The following ASIC2 variants were observed in gnomAD, a reference collection of about 807,000 sequenced individuals.
ASIC2 encodes acid sensing ion channel subunit 2.
In ASIC2, 25 loss-of-function variants were observed where a neutral mutation model predicts 57.3. The observed-to-expected ratio is 0.44, with a 90% CI of 0.32 to 0.61. The LOEUF (loss-of-function observed/expected upper bound fraction) is 0.61, where lower values mean the gene tolerates loss of function less well. Among genes scored for constraint, ASIC2 ranks in the 20% least tolerant of loss-of-function variants. ASIC2 has a pLI of 0.06. For missense variants in ASIC2, 641 were observed against 738.1 expected, an observed-to-expected ratio of 0.87 and a Z score of 1.52; for synonymous variants, 319 against 307.5, an observed-to-expected ratio of 1.04 and a Z score of -0.39.
At chr17:33,935,784 T>G (rs1268163343) in intron 1 of ASIC2, 1 of 152,268 alleles carries the variant, frequency 6.6e-6, no homozygotes, top group Admixed American at 6.5e-5. Flanking sequence ...TTAGCCACTG[T>G]GCTTCTCTGG....
intron 1 of ASIC2, among the ~76,000 whole-genome samples, chr17:33,418,058 G>C (rs181125211): frequency 1.5e-5 from 1 of 67,842 alleles, no homozygotes; most frequent in African/African-American, 4.6e-5. Context: ...GTGTGTGTGT[G>C]TGTGTGTGTG....
intron 1 of ASIC2, among the ~76,000 whole-genome samples, chr17:33,848,891 C>T (rs1191571280): frequency 6.6e-6 from 1 of 152,126 alleles, no homozygotes; most frequent in Non-Finnish European, 1.5e-5. Context: ...CTATTTTATC[C>T]TTACAACAGA....
intron 1 of ASIC2, among the ~76,000 whole-genome samples, chr17:33,373,230 A>G (rs938995216): frequency 2.0e-5 from 3 of 152,174 alleles, no homozygotes; most frequent in Non-Finnish European, 4.4e-5. Flanking sequence ...GAGGAATAAT[A>G]TTTCAGATGC....
intron 1 of ASIC2, chr17:34,002,085 C>A (rs1225022213): frequency 6.6e-6 from 1 of 152,268 alleles, no homozygotes; most frequent in African/African-American, 2.4e-5. Context: ...TTCCAGGCAG[C>A]CTTCTCTAAC....
intron 1 of ASIC2, among the ~76,000 whole-genome samples, chr17:33,589,453 C>T (rs780062797): frequency 3.3e-5 from 5 of 152,176 alleles, no homozygotes; most frequent in Non-Finnish European, 7.3e-5. Flanking sequence ...ACCATCACCA[C>T]CATCCATCCC....
chr17:33,473,992 A>C (rs1913136771), intron 1 of ASIC2, among the ~76,000 whole-genome samples: 1 of 152,234 alleles, frequency 6.6e-6, no homozygotes, highest in South Asian at 2.1e-4. Flanking sequence ...ATACAAAGAT[A>C]AATCAGACCT....
chr17:33,323,138 G>T (rs1010716405), intron 1 of ASIC2, among the ~76,000 whole-genome samples: 6 of 152,174 alleles, frequency 3.9e-5, no homozygotes, highest in African/African-American at 1.4e-4. Context: ...TTGCTAAAGT[G>T]AAACATATGG....
chr17:33,788,648 A>T (rs1389292271), intron 1 of ASIC2, among the ~76,000 whole-genome samples: 1 of 152,178 alleles, frequency 6.6e-6, no homozygotes, highest in African/African-American at 2.4e-5. Context: ...CTTGGAACCA[A>T]CCCAAATACC....
chr17:33,070,895 C>CT (rs955627406), intron 3 of ASIC2, among the ~76,000 whole-genome samples: 47 of 148,914 alleles, frequency 3.2e-4, no homozygotes, highest in African/African-American at 4.2e-4. Flanking sequence ...AGATTGACAG[C>CT]TTTTTTTTTT....
intron 1 of ASIC2, among the ~76,000 whole-genome samples, chr17:33,253,201 C>G (rs777227700): frequency 2.0e-5 from 3 of 152,184 alleles, no homozygotes; most frequent in Non-Finnish European, 2.9e-5. Context: ...GGAGACAGAG[C>G]TGGAGTTCAA....
chr17:34,156,708 T>C lies in ASIC2; in HGVS notation c.-176A>G, dbSNP rs1360015038. 5 of 651,312 alleles carry C rather than the reference T, an allele frequency of 7.7e-6. No individual in the cohort carries two copies. Among genetic ancestry groups the C allele is most frequent in the South Asian group, 4.2e-5 (2 of 47,970 alleles). The allele number at this position is 651,312 out of a possible 1,614,324, so 40.3% of individuals were successfully genotyped here. A position where few individuals can be genotyped will look rare whatever the true frequency, so the allele number is the denominator to read the frequency against. ...CCAGCCGCACGCTGACAGGGGTGAG[T>C]GTTTATATAAAACCCATTCAAACTC... On this transcript the variant is annotated 5_prime_UTR_variant, in exon 1 of 10. Coordinates refer to the ASIC2 transcript ENST00000359872. The surrounding 1 kb of genome is among the most constrained non-coding windows in gnomAD (Gnocchi z 4.4).
At chr17:33,923,066 A>G (rs911040171) in intron 1 of ASIC2, among the ~76,000 whole-genome samples, 2 of 152,218 alleles carry the variant, frequency 1.3e-5, no homozygotes, top group African/African-American at 4.8e-5. Flanking sequence ...CAGCTTACCC[A>G]GCAAACAGGA....
intron 1 of ASIC2, among the ~76,000 whole-genome samples, chr17:34,044,228 G>A (rs565488160): frequency 2.6e-5 from 4 of 152,102 alleles, no homozygotes; most frequent in Admixed American, 6.5e-5. Flanking sequence ...TGCCCAGGTA[G>A]AAGCTAAGTC....
intron 1 of ASIC2, among the ~76,000 whole-genome samples, chr17:33,994,120 C>T (rs1906082510): frequency 6.6e-6 from 1 of 152,160 alleles, no homozygotes; most frequent in African/African-American, 2.4e-5. Flanking sequence ...AATGAAGGGG[C>T]CAGCTCAAGC....
At chr17:33,347,786 T>A (rs1199347689) in intron 1 of ASIC2, among the ~76,000 whole-genome samples, 5 of 152,154 alleles carry the variant, frequency 3.3e-5, no homozygotes, top group Admixed American at 1.3e-4. Flanking sequence ...TGACCATGGG[T>A]AGCGGAGGCA....
chr17:33,248,255 G>T (rs1908761345), intron 1 of ASIC2, among the ~76,000 whole-genome samples: 2 of 152,212 alleles, frequency 1.3e-5, no homozygotes, highest in Admixed American at 1.3e-4. Context: ...TGTACGCCTG[G>T]CCTGTTCAAG....
intron 3 of ASIC2, among the ~76,000 whole-genome samples, chr17:33,061,208 A>G (rs2092019219): frequency 6.6e-6 from 1 of 152,092 alleles, no homozygotes; most frequent in Admixed American, 6.5e-5. Context: ...GTTGAATAGG[A>G]GTGGTGAGAG....
intron 1 of ASIC2, among the ~76,000 whole-genome samples, chr17:33,322,293 C>T (rs1468071382): frequency 1.3e-5 from 2 of 152,188 alleles, no homozygotes; most frequent in Non-Finnish European, 2.9e-5. Context: ...TTCCGAGTGA[C>T]AGTAGCAAAG....
At chr17:33,911,741 A>G (rs1217934182) in intron 1 of ASIC2, among the ~76,000 whole-genome samples, 1 of 152,162 alleles carries the variant, frequency 6.6e-6, no homozygotes, top group Non-Finnish European at 1.5e-5. Context: ...CATTACCTGG[A>G]CCAGAGCTTA....
Sources: gnomAD v4.1 joint callset for allele counts (sites outside exome capture counted in the v4.1 genomes callset) on GRCh38, gnomAD v4.1.1 for gene constraint, Gnocchi (gnomAD v3.1) non-coding constraint, MANE v1.5 for transcripts, NCBI Gene and HGNC (gene_info 2026-07-23, HGNC 2026-07-21) for gene names.